Variants in ARHGAP20 observed in about 807,000 individuals in gnomAD.
ARHGAP20 encodes rho GTPase-activating protein 20.
ARHGAP20 carries 34 observed loss-of-function variants against 73.7 expected under a neutral mutation model. That is an observed-to-expected ratio of 0.46 (90% CI 0.35 to 0.61). The LOEUF is 0.61. Ranked by LOEUF, ARHGAP20 falls within the 20% of genes least tolerant of loss-of-function variation. The pLI is 0.00. For missense variants in ARHGAP20, 1,314 were observed against 1,420.9 expected, an observed-to-expected ratio of 0.92 and a Z score of 1.21; for synonymous variants, 523 against 518.2, an observed-to-expected ratio of 1.01 and a Z score of -0.13.
chr11:110,669,818 T>G (rs113863788), intron 2 of ARHGAP20, among the ~76,000 whole-genome samples: 2 of 152,114 alleles, frequency 1.3e-5, no homozygotes, highest in African/African-American at 4.8e-5. Flanking sequence ...ATTGAGAGGT[T>G]TGAAAGCATA....
chr11:110,630,168 C>G (rs1948829385), intron 3 of ARHGAP20, among the ~76,000 whole-genome samples: 1 of 152,194 alleles, frequency 6.6e-6, no homozygotes, highest in African/African-American at 2.4e-5. Flanking sequence ...CTGGAATGCT[C>G]ATCCTCCAAT....
At chr11:110,585,568 T>C (rs1947641816) in intron 12 of ARHGAP20, among the ~76,000 whole-genome samples, 1 of 152,210 alleles carries the variant, frequency 6.6e-6, no homozygotes, top group African/African-American at 2.4e-5. Context: ...CTAGAAATAC[T>C]GCTTTTTGTT....
chr11:110,590,561 T>A, intron 11 of ARHGAP20, 87 bp downstream of exon 11: 1 of 1,341,554 alleles, frequency 7.5e-7, no homozygotes, highest in Non-Finnish European at 1.0e-6. Flanking sequence ...TCTTTGCAAA[T>A]AGAAATAATG....
intron 2 of ARHGAP20, among the ~76,000 whole-genome samples, chr11:110,647,411 A>C (rs1203017019): frequency 6.6e-6 from 1 of 152,052 alleles, no homozygotes; most frequent in East Asian, 1.9e-4. Context: ...CAGAACTAAG[A>C]AACCAAGGGA....
At chr11:110,625,078 C>T (rs904825592) in intron 3 of ARHGAP20, among the ~76,000 whole-genome samples, 18 of 147,820 alleles carry the variant, frequency 1.2e-4, no homozygotes, top group African/African-American at 2.7e-4. Context: ...TCGCCCAGGC[C>T]GGACTGCGGA....
chr11:110,638,260 T>C (rs1488773705), intron 2 of ARHGAP20, among the ~76,000 whole-genome samples: 3 of 152,012 alleles, frequency 2.0e-5, no homozygotes, highest in Non-Finnish European at 4.4e-5. Context: ...GAAATATAAA[T>C]AAATTGTGTA....
At chr11:110,687,668 T>A (rs1477394750) in intron 2 of ARHGAP20, among the ~76,000 whole-genome samples, 1 of 152,172 alleles carries the variant, frequency 6.6e-6, no homozygotes, top group Non-Finnish European at 1.5e-5. Flanking sequence ...AAATTCCTCT[T>A]TTTATATCCT....
rs561618664 is a variant in ARHGAP20, at chr11:110,652,757, A to C, written c.189-21965T>G. ...AGAGAGAACACAAACAAATGGAAAA[A>C]CATTCCATGCTCATGGATAGGAAGA... On this transcript the variant is annotated intron_variant, in intron 2 of 14. Coordinates refer to ENST00000683387, the MANE Select transcript of ARHGAP20 (RefSeq NM_001384657.1). Among the ~76,000 whole-genome samples, 50 of 152,134 alleles carry C rather than the reference A, an allele frequency of 3.3e-4. 1 individual carries two copies. Among genetic ancestry groups the C allele is most frequent in the Non-Finnish European group, 6.2e-4 (42 of 68,008 alleles).
At chr11:110,584,386 C>A (rs1272194) in intron 12 of ARHGAP20, among the ~76,000 whole-genome samples, 151,949 of 151,950 alleles carry the variant, frequency 1, 75,974 homozygotes, top group Middle Eastern at 1. Context: ...ACTATTATCC[C>A]AAAAAGTACA....
At chr11:110,708,263 G>A (rs370703122) in intron 1 of ARHGAP20, among the ~76,000 whole-genome samples, 7 of 152,212 alleles carry the variant, frequency 4.6e-5, no homozygotes, top group African/African-American at 1.4e-4. Context: ...AAGTACTGGT[G>A]AAAATTTGGA....
chr11:110,627,743 C>T (rs1284759108), intron 3 of ARHGAP20, among the ~76,000 whole-genome samples: 3 of 152,118 alleles, frequency 2.0e-5, no homozygotes, highest in Non-Finnish European at 4.4e-5. Context: ...ACAGTCATTT[C>T]TCCTTTCTGT....
intron 2 of ARHGAP20, among the ~76,000 whole-genome samples, chr11:110,647,339 G>C (rs1287408371): frequency 6.6e-6 from 1 of 152,090 alleles, no homozygotes; most frequent in Admixed American, 6.6e-5. Context: ...GAGCCCTGGG[G>C]ACACCAACCT....
At chr11:110,629,428 A>T (rs1032981559) in intron 3 of ARHGAP20, among the ~76,000 whole-genome samples, 1 of 152,182 alleles carries the variant, frequency 6.6e-6, no homozygotes, top group African/African-American at 2.4e-5. Flanking sequence ...TAATTAAGGG[A>T]ATAACTGTTT....
chr11:110,627,076 A>T (rs1404487370), intron 3 of ARHGAP20, among the ~76,000 whole-genome samples: 2 of 149,328 alleles, frequency 1.3e-5, no homozygotes, highest in Non-Finnish European at 2.9e-5. Context: ...CAGACTGAAC[A>T]AAACCCCCTA....
At chr11:110,703,019 A>G (rs1438367404) in intron 1 of ARHGAP20, among the ~76,000 whole-genome samples, 1 of 152,170 alleles carries the variant, frequency 6.6e-6, no homozygotes, top group Non-Finnish European at 1.5e-5. Context: ...TCTTCACAGA[A>G]TAGGAGAATT....
At chr11:110,682,594 A>G (rs1300810801) in intron 2 of ARHGAP20, among the ~76,000 whole-genome samples, 2 of 152,126 alleles carry the variant, frequency 1.3e-5, no homozygotes, top group Non-Finnish European at 1.5e-5. Context: ...CTGCTACTTA[A>G]TGAGCCAGGA....
In ARHGAP20 at chr11:110,650,867, G is replaced by A. The variant is rs941852356; in HGVS notation, c.189-20075C>T. ...CCTGGGTTGTGTACACATGTGCTAA[G>A]ATGCCCAATGTAGTTCTGGAATTCT... On this transcript the variant is annotated intron_variant, in intron 2 of 14. Transcript: ENST00000683387. Among the ~76,000 whole-genome samples the A allele has an allele frequency of 2.0e-5, 3 of 152,148 alleles. No individual in the cohort carries two copies. In the East Asian group the frequency reaches 5.8e-4, roughly 29 times the overall value.
chr11:110,597,871 C>A (rs886667854), intron 9 of ARHGAP20, among the ~76,000 whole-genome samples: 1 of 152,148 alleles, frequency 6.6e-6, no homozygotes, highest in Non-Finnish European at 1.5e-5. Flanking sequence ...TACTTTCTTA[C>A]AGAGCTTTTA....
intron 2 of ARHGAP20, among the ~76,000 whole-genome samples, chr11:110,689,001 T>C (rs1215992968): frequency 4.0e-5 from 6 of 148,166 alleles, no homozygotes; most frequent in Non-Finnish European, 6.0e-5. Context: ...TTCATATAGT[T>C]TTTTTTTTTT....
Sources: allele counts gnomAD v4.1 joint callset (sites outside exome capture counted in the v4.1 genomes callset), GRCh38; gene constraint gnomAD v4.1.1; transcripts MANE v1.5; gene names NCBI Gene and HGNC (gene_info 2026-07-23, HGNC 2026-07-21).